ZNF131: variants seen among roughly 807,000 people sequenced by gnomAD.
ZNF131 encodes zinc finger and BTB domain containing 35.
ZNF131 carries 7 observed loss-of-function variants against 60.0 expected under a neutral mutation model. That is an observed-to-expected ratio of 0.12 (90% CI 0.07 to 0.22). The LOEUF (loss-of-function observed/expected upper bound fraction) is 0.22, where lower values mean the gene tolerates loss of function less well. ZNF131 is among the 10% of genes least tolerant of loss of function. The probability of loss-of-function intolerance (pLI) is 1.00; values close to 1 mark genes in which losing one functional copy is unlikely to be tolerated. For synonymous variants in ZNF131, 257 were observed against 253.2 expected (o/e 1.01, Z -0.14); for missense variants, 493 against 740.9 (o/e 0.67, Z 3.88).
Position 43,139,084 on chromosome 5 carries a change from C to T in ZNF131, c.227-81C>T, listed in dbSNP as rs564245811. ...AATAAATACTCAACAAGCTCCAAGC[C>T]CTGGGCTTTTCTTTCTTTACTAAAC... On this transcript the variant is annotated intron_variant, in intron 3 of 6. Transcript: ENST00000682664. The T allele has an allele frequency of 1.2e-5, 15 of 1,200,514 alleles. No individual in the cohort carries two copies. The South Asian group carries it at 4.0e-4, about 32-fold the overall frequency. 74.4% of individuals were successfully genotyped at this position (1,200,514 alleles called of 1,614,324 possible).
rs1743947718 is a variant in ZNF131, at chr5:43,122,231, C to T, written c.124+54C>T. On this transcript the variant is annotated intron_variant, in intron 2 of 6. Coordinates refer to ENST00000682664, the MANE Select transcript of ZNF131 (RefSeq NM_001330707.2). Reference sequence around the variant, plus strand: ...ATTTTTGGCTTCAGTTTTTTTCTGTCCTTCGGACACCCGCCTTTTTTTTTT... The same window carrying T: ...ATTTTTGGCTTCAGTTTTTTTCTGTTCTTCGGACACCCGCCTTTTTTTTTT... 8.6e-6 allele frequency: 13 copies of T among 1,511,444 alleles called. No homozygotes were observed. The South Asian group carries it at 1.1e-4, about 13-fold the overall frequency. The allele number at this position is 1,511,444 out of a possible 1,614,324, so 93.6% of individuals were successfully genotyped here.
At position 43,171,237 on chromosome 5, in the gene ZNF131, C is replaced by T. The variant is rs1171512296; in HGVS notation, c.1055-2081C>T. 6.6e-5 allele frequency among the ~76,000 whole-genome samples: 10 copies of T among 152,116 alleles called. 1 individual carries two copies. The highest frequency in any genetic ancestry group is 3.9e-4 in the East Asian group (2 of 5,178). The stretch of plus-strand genomic sequence containing the variant: ...TGCTAGGATCACAGGTGTGAGCCAC[C>T]GCACCTGGTCTGTCCCCTCTTCTTT... On this transcript the variant is annotated intron_variant, in intron 5 of 6. Transcript: ENST00000682664.
At chr5:43,122,246 CTTT>C (rs35497367) in intron 2 of ZNF131, 69 bp downstream of exon 2, 63,388 of 997,088 alleles carry the variant, frequency 0.064, no homozygotes, top group Middle Eastern at 0.082. Context: ...GGACACCCGC[CTTT>C]TTTTTTTTTT....
intron 5 of ZNF131, among the ~76,000 whole-genome samples, chr5:43,171,750 G>A (rs1037902301): frequency 6.6e-6 from 1 of 152,134 alleles, no homozygotes; most frequent in African/African-American, 2.4e-5. Flanking sequence ...CTCCCAGGTA[G>A]CTGGGACTAC....
intron 3 of ZNF131, among the ~76,000 whole-genome samples, chr5:43,126,990 A>G (rs981267523): frequency 6.6e-6 from 1 of 152,130 alleles, no homozygotes; most frequent in Admixed American, 6.5e-5. Flanking sequence ...CTAAGCTGAC[A>G]TATGTGGGAG....
intron 4 of ZNF131, among the ~76,000 whole-genome samples, chr5:43,140,772 A>T (rs1343258656): frequency 6.6e-6 from 1 of 152,174 alleles, no homozygotes; most frequent in Non-Finnish European, 1.5e-5. Context: ...ACTGGAGTGC[A>T]GTGGCACAAT....
In ZNF131 at chr5:43,175,292, TC is replaced by T; in HGVS notation, c.*164del. On this transcript the variant is annotated 3_prime_UTR_variant, in exon 7 of 7. Transcript: ENST00000682664. ...GTCCGTTGAAACACATTGATTCCCCTCCCCCTACTTATTGCCACAGAGGAGG... is the reference window on the plus strand; with the variant it reads ...GTCCGTTGAAACACATTGATTCCCCTCCCCTACTTATTGCCACAGAGGAGG... The T allele has an allele frequency of 1.3e-6, 1 of 746,506 alleles. No homozygotes were observed. The highest frequency in any genetic ancestry group is 2.2e-6 in the Non-Finnish European group (1 of 456,482). 46.2% of individuals were successfully genotyped at this position (746,506 alleles called of 1,614,324 possible).
rs1466416504 is a variant in ZNF131 at position 43,121,988 on chromosome 5, G to T, written c.-15-51G>T. The T allele has an allele frequency of 1.3e-5, 21 of 1,572,926 alleles. No individual in the cohort carries two copies. In the East Asian group the frequency reaches 3.5e-4, roughly 26 times the overall value. The stretch of plus-strand genomic sequence containing the variant: ...TGTTGTTTTATGCTTTAGGGGTTTT[G>T]TTCCTCGGCTCGAGCTCATGGGTGT... On this transcript the variant is annotated intron_variant, in intron 1 of 6. Transcript: ENST00000682664.
intron 3 of ZNF131, chr5:43,125,117 G>A (rs1744358325): frequency 6.6e-6 from 1 of 151,770 alleles, no homozygotes; most frequent in Non-Finnish European, 1.5e-5. Flanking sequence ...AAGAATTAAT[G>A]AATAAGATGT....
At chr5:43,162,046 A>T in intron 5 of ZNF131, 115 bp downstream of exon 5, 1 of 987,676 alleles carries the variant, frequency 1.0e-6, no homozygotes, top group East Asian at 2.6e-5. Flanking sequence ...TATTATCTCT[A>T]ATGTGTAGGC....
At chr5:43,166,057 A>G (rs1460830359) in intron 5 of ZNF131, among the ~76,000 whole-genome samples, 1 of 152,166 alleles carries the variant, frequency 6.6e-6, no homozygotes, top group Non-Finnish European at 1.5e-5. Context: ...CTCAACCTTC[A>G]TAGAATTGAA....
At chr5:43,148,893 CCT>C (rs1331567732) in intron 4 of ZNF131, among the ~76,000 whole-genome samples, 1 of 152,164 alleles carries the variant, frequency 6.6e-6, no homozygotes, top group African/African-American at 2.4e-5. Context: ...GTAATCCATT[CCT>C]CTCTCCCTAT....
chr5:43,155,522 G>A (rs937255029), intron 4 of ZNF131, among the ~76,000 whole-genome samples: 2 of 152,134 alleles, frequency 1.3e-5, no homozygotes, highest in African/African-American at 4.8e-5. Context: ...TAGCTCAAAG[G>A]GTTCATTAGC....
At chr5:43,135,991 T>C (rs1746032432) in intron 3 of ZNF131, among the ~76,000 whole-genome samples, 1 of 152,196 alleles carries the variant, frequency 6.6e-6, no homozygotes, top group East Asian at 1.9e-4. Flanking sequence ...GGTGCGTGCC[T>C]GTAGTCCCAG....
At chr5:43,130,259 G>T (rs1745131535) in intron 3 of ZNF131, among the ~76,000 whole-genome samples, 1 of 17,800 alleles carries the variant, frequency 5.6e-5, no homozygotes, top group African/African-American at 2.2e-4. Context: ...GTAAGACTCT[G>T]TCTCCAAAAA....
Position 43,139,296 on chromosome 5 carries a change from G to T in ZNF131, c.358G>T (p.Ala120Ser). The change falls in exon 4 of 7, where the codon GCC becomes TCC. Residue 120 changes from alanine (A) to serine (S), a missense_variant. Ala to Ser is a moderately conservative substitution (Grantham distance 99, BLOSUM62 1). Around this residue, in one of 7 missense-constraint regions of ZNF131, gnomAD observed 66 missense variants for 148.0 expected, o/e 0.45. Coordinates refer to ENST00000682664, the MANE Select transcript of ZNF131 (RefSeq NM_001330707.2). ...TCTACAAATGCTAGAAGCTATCAAAGCCCTTGAAGTCAGGTACTTAATTTC... is the reference window on the plus strand; with the variant it reads ...TCTACAAATGCTAGAAGCTATCAAATCCCTTGAAGTCAGGTACTTAATTTC... ...EFLQMLEAIK[A>S]LEVRNKENSA... 6.2e-7 allele frequency: 1 copy of T among 1,606,024 alleles called. No individual in the cohort carries two copies. The highest frequency in any genetic ancestry group is 8.5e-7 in the Non-Finnish European group (1 of 1,177,108).
intron 4 of ZNF131, among the ~76,000 whole-genome samples, chr5:43,160,808 C>T (rs900977980): frequency 2.0e-5 from 3 of 151,568 alleles, no homozygotes; most frequent in Non-Finnish European, 2.9e-5. Context: ...CTCAGCCTGC[C>T]GAGTAGCTGG....
Position 43,139,268 on chromosome 5 carries a change from G to A in ZNF131, c.330G>A (p.Glu110=). 1 of 1,612,528 alleles carries A rather than the reference G, an allele frequency of 6.2e-7. No individual in the cohort carries two copies. ...EEANDVWKAA[E]FLQMLEAIKA... ...CCAATGATGTATGGAAAGCAGCAGAGTTTCTACAAATGCTAGAAGCTATCA... is the reference window on the plus strand; with the variant it reads ...CCAATGATGTATGGAAAGCAGCAGAATTTCTACAAATGCTAGAAGCTATCA... Residue 110 remains glutamate (E), a synonymous_variant, in exon 4 of 7, where the codon GAG becomes GAA. Coordinates refer to ENST00000682664, the MANE Select transcript of ZNF131 (RefSeq NM_001330707.2).
chr5:43,170,472 A>T (rs1363551641), intron 5 of ZNF131, among the ~76,000 whole-genome samples: 1 of 152,158 alleles, frequency 6.6e-6, no homozygotes, highest in Admixed American at 6.5e-5. Flanking sequence ...GAGGAAATTC[A>T]TATCTCAAAC....
Sources: gnomAD v4.1 joint callset for allele counts (sites outside exome capture counted in the v4.1 genomes callset) on GRCh38, gnomAD v4.1.1 for gene constraint, gnomAD v4.1.1 regional missense constraint, MANE v1.5 for transcripts, NCBI Gene and HGNC (gene_info 2026-07-23, HGNC 2026-07-21) for gene names.